The following CORO7 variants were observed in gnomAD, a reference collection of about 807,000 sequenced individuals.
CORO7 encodes the protein coronin 7.
CORO7 carries 107 observed loss-of-function variants against 126.6 expected under a neutral mutation model. That is an observed-to-expected ratio of 0.85 (90% CI 0.72 to 0.99). The LOEUF is 0.99. CORO7 is among the 50% of genes least tolerant of loss of function. CORO7 has a pLI of 0.00. For synonymous variants in CORO7, 603 were observed against 536.8 expected, an observed-to-expected ratio of 1.12 and a Z score of -1.70; for missense variants, 1,314 against 1,255.8, an observed-to-expected ratio of 1.05 and a Z score of -0.70.
intron 6 of CORO7, among the ~76,000 whole-genome samples, chr16:4,397,027 A>AG (rs1239552009): frequency 2.8e-3 from 409 of 145,398 alleles, no homozygotes; most frequent in African/African-American, 9.6e-3. Context: ...AAAAAAAAAA[A>AG]AAAGAAAGAA....
At chr16:4,415,897 G>A in intron 1 of CORO7, 2 of 985,750 alleles carry the variant, frequency 2.0e-6, no homozygotes, top group Non-Finnish European at 2.4e-6. Flanking sequence ...CCGAGATAAA[G>A]AAAGAGCTTG....
Position 4,358,427 on chromosome 16 carries a change from C to G in CORO7, c.2397G>C (p.Arg799=). Reference sequence around the variant, plus strand: ...GGGAGGACTGACGCAGCCGCAGGCACCGCATCAGCTCCACTTCCCGCACGT... The same window carrying G: ...GGGAGGACTGACGCAGCCGCAGGCAGCGCATCAGCTCCACTTCCCGCACGT... ...ECDVREVELM[R]CLRLRQSSLE... is the part of the protein sequence containing the mutation. Residue 799 remains arginine, a synonymous_variant, in exon 24 of 28, where the codon CGG becomes CGC. Transcript: ENST00000251166. 6.2e-7 allele frequency: 1 copy of G among 1,612,346 alleles called. No individual in the cohort carries two copies. The highest frequency in any genetic ancestry group is 8.5e-7 in the Non-Finnish European group (1 of 1,179,542).
At chr16:4,382,042 G>A in intron 9 of CORO7, 1 of 1,594,460 alleles carries the variant, frequency 6.3e-7, no homozygotes, top group Non-Finnish European at 8.5e-7. Flanking sequence ...GGCCACTGAG[G>A]CCCCCAGCCC....
At chr16:4,414,552 C>A (rs1300486862) in intron 1 of CORO7, 1 of 152,236 alleles carries the variant, frequency 6.6e-6, no homozygotes, top group Admixed American at 6.5e-5. Flanking sequence ...GCCATGGTTA[C>A]AGCATCAGTC....
intron 9 of CORO7, chr16:4,382,541 C>T (rs1390525560): frequency 3.8e-6 from 6 of 1,591,992 alleles, no homozygotes; most frequent in African/African-American, 1.3e-5. Context: ...GAGGCCCATA[C>T]ACCCCCAGCC....
At chr16:4,375,483 T>TC (rs1187938474) in intron 9 of CORO7, among the ~76,000 whole-genome samples, 11 of 151,748 alleles carry the variant, frequency 7.2e-5, no homozygotes, top group Admixed American at 6.6e-4. Context: ...TGGGTCTCAC[T>TC]CCTAGACATT....
In CORO7 at chr16:4,359,628, G is replaced by C. The variant is rs1282625378; in HGVS notation, c.2109-7C>G. The C allele has an allele frequency of 1.9e-6, 3 of 1,584,860 alleles. No individual in the cohort carries two copies. The highest frequency in any genetic ancestry group is 1.2e-5 in the South Asian group (1 of 86,882). On this transcript the variant is annotated splice_region_variant and splice_polypyrimidine_tract_variant and intron_variant, in intron 21 of 27. Coordinates refer to ENST00000251166, the MANE Select transcript of CORO7 (RefSeq NM_024535.5). ...CAGCTGGCGCTCACTTTGGCTGCAA[G>C]GGGGTTTGGGGGCTGAAGCAGGTGT...
chr16:4,408,427 G>A (rs1452565111), intron 3 of CORO7, among the ~76,000 whole-genome samples, 176 bp from the exon 4 acceptor site: 1 of 152,180 alleles, frequency 6.6e-6, no homozygotes, highest in Non-Finnish European at 1.5e-5. Flanking sequence ...TGCGACATAC[G>A]TCCCCGAGGG....
rs1371686571 is a variant in CORO7, at chr16:4,362,356, G to A, written c.1403-196C>T. Among the ~76,000 whole-genome samples the A allele has an allele frequency of 6.6e-6, 1 of 152,184 alleles. No individual in the cohort carries two copies. Among genetic ancestry groups the A allele is most frequent in the Non-Finnish European group, 1.5e-5 (1 of 68,038 alleles). On this transcript the variant is annotated intron_variant, in intron 15 of 27. Coordinates refer to ENST00000251166, the MANE Select transcript of CORO7 (RefSeq NM_024535.5). This position sits in a 1 kb window ranked among gnomAD's most constrained non-coding sequence, Gnocchi z 5.3. ...GGAATGATATACCCTGTTCCATGGT[G>A]GCTCGGGGAATCTTGGTGGAGCCCA...
intron 14 of CORO7, chr16:4,363,053 T>C (rs2054234625): frequency 3.6e-6 from 1 of 275,320 alleles, no homozygotes; most frequent in Non-Finnish European, 6.7e-6. Flanking sequence ...AATTCTTGCT[T>C]TTTAAGTGTT....
chr16:4,371,116 T>C (rs1347417306), intron 9 of CORO7, among the ~76,000 whole-genome samples: 2 of 152,138 alleles, frequency 1.3e-5, no homozygotes, highest in Non-Finnish European at 2.9e-5. Context: ...CCCCTATGCC[T>C]CCACAGCTCA....
intron 9 of CORO7, chr16:4,382,923 G>A: frequency 6.8e-7 from 1 of 1,473,180 alleles, no homozygotes; most frequent in Non-Finnish European, 9.0e-7. Context: ...AGGGCAGCTG[G>A]GGCCGGGCTC....
rs755640512 is a variant in CORO7 at position 4,364,790 on chromosome 16, G to T, written c.1029C>A (p.Tyr343Ter). ...LSDTAIVPIG[Y>*]HVPRKAVEFH... ...TCCCCCTCACCTTGCGGGGCACATG[G>T]TAGCCGATGGGCACGATGGCTGTGT... Residue 343 changes from tyrosine to a stop codon, truncating the protein, a stop_gained, in exon 12 of 28, where the codon TAC (tyrosine) becomes TAA (stop). Transcript: ENST00000251166. LOFTEE classifies it high-confidence loss of function. 6.2e-7 allele frequency: 1 copy of T among 1,611,298 alleles called. No individual in the cohort carries two copies. The highest frequency in any genetic ancestry group is 1.7e-5 in the Admixed American group (1 of 59,924).
chr16:4,402,748 G>A (rs2055857578), intron 6 of CORO7, among the ~76,000 whole-genome samples: 2 of 152,242 alleles, frequency 1.3e-5, no homozygotes, highest in South Asian at 4.1e-4. Context: ...GAACTGGGCT[G>A]CAGAGGCCGC....
At chr16:4,366,404 C>A (rs951141344) in intron 9 of CORO7, among the ~76,000 whole-genome samples, 15 of 152,186 alleles carry the variant, frequency 9.9e-5, no homozygotes, top group Non-Finnish European at 1.9e-4. Flanking sequence ...GAGACCCCTG[C>A]ACAGCCCCTC....
chr16:4,360,579 C>G (rs1376228320), intron 19 of CORO7, 31 bp from the exon 20 acceptor site: 1 of 1,562,890 alleles, frequency 6.4e-7, no homozygotes, highest in East Asian at 2.4e-5. Flanking sequence ...GAGAGACAGC[C>G]TTGCTTCACT....
chr16:4,394,789 T>A (rs950984350), intron 7 of CORO7, among the ~76,000 whole-genome samples: 2 of 152,224 alleles, frequency 1.3e-5, no homozygotes, highest in Non-Finnish European at 2.9e-5. Flanking sequence ...GCCTGCAGCA[T>A]GAGCCAGGTC....
intron 4 of CORO7, 52 bp from the exon 5 acceptor site, chr16:4,407,736 G>C (rs536616440): frequency 1.3e-6 from 2 of 1,503,626 alleles, no homozygotes; most frequent in Non-Finnish European, 1.8e-6. Flanking sequence ...TCACTGCCTT[G>C]AGTCAGCTGC....
intron 9 of CORO7, chr16:4,371,854 G>GGAGCCC (rs2054540131): frequency 6.6e-6 from 1 of 152,116 alleles, no homozygotes; most frequent in Non-Finnish European, 1.5e-5. Context: ...AGCCGACTCC[G>GGAGCCC]GAGCCCGAGC....
Sources: allele counts gnomAD v4.1 joint callset (sites outside exome capture counted in the v4.1 genomes callset), GRCh38; gene constraint gnomAD v4.1.1; non-coding constraint Gnocchi (gnomAD v3.1); transcripts MANE v1.5; gene names NCBI Gene and HGNC (gene_info 2026-07-23, HGNC 2026-07-21).